The following ARMH3 variants were observed in gnomAD, a reference collection of about 807,000 sequenced individuals.
ARMH3 encodes armadillo like helical domain containing 3.
ARMH3 carries 60 observed loss-of-function variants against 99.1 expected under a neutral mutation model. The ratio of observed to expected loss-of-function variants is 0.61; its 90% CI spans 0.49 to 0.75. The LOEUF (loss-of-function observed/expected upper bound fraction) is 0.75, where lower values mean the gene tolerates loss of function less well. Among genes scored for constraint, ARMH3 ranks in the 30% least tolerant of loss-of-function variants. The probability of loss-of-function intolerance (pLI) is 0.00; values close to 1 mark genes in which losing one functional copy is unlikely to be tolerated. For synonymous variants in ARMH3, 285 were observed against 292.8 expected, an observed-to-expected ratio of 0.97 and a Z score of 0.27; for missense variants, 679 against 843.1, an observed-to-expected ratio of 0.81 and a Z score of 2.41.
At chr10:102,031,067 A>C (rs1299966711) in intron 4 of ARMH3, among the ~76,000 whole-genome samples, 7 of 151,890 alleles carry the variant, frequency 4.6e-5, no homozygotes, top group African/African-American at 1.7e-4. Flanking sequence ...TACAGGCGTG[A>C]GCCACCACGC....
At chr10:101,849,699 A>T in intron 25 of ARMH3, 77 bp downstream of exon 25, 1 of 1,208,316 alleles carries the variant, frequency 8.3e-7, no homozygotes, top group Non-Finnish European at 1.2e-6. Flanking sequence ...ATCTGCAGAT[A>T]AACTGCAGAT....
At chr10:102,025,285 G>C (rs1188641642) in intron 5 of ARMH3, 37 bp from the exon 6 acceptor site, 1 of 1,536,238 alleles carries the variant, frequency 6.5e-7, no homozygotes, top group African/African-American at 1.4e-5. Flanking sequence ...AACCATACCA[G>C]ATAACACCCC....
At chr10:101,970,850 A>C (rs1373479056) in intron 20 of ARMH3, among the ~76,000 whole-genome samples, 3 of 151,996 alleles carry the variant, frequency 2.0e-5, no homozygotes, top group Non-Finnish European at 4.4e-5. Flanking sequence ...AGTCTGCTGG[A>C]GATGTAACAA....
chr10:102,029,407 T>G, intron 5 of ARMH3: 1 of 1,493,680 alleles, frequency 6.7e-7, no homozygotes, highest in African/African-American at 1.4e-5. Context: ...AAATAAACTA[T>G]TCTGTCTTTA....
At chr10:101,992,552 G>C (rs1846850912) in intron 17 of ARMH3, among the ~76,000 whole-genome samples, 1 of 150,402 alleles carries the variant, frequency 6.6e-6, no homozygotes, top group Non-Finnish European at 1.5e-5. Context: ...CTGGAGTGAA[G>C]TGGCACGATC....
chr10:102,000,431 T>C (rs777308859), intron 15 of ARMH3, among the ~76,000 whole-genome samples: 3 of 152,036 alleles, frequency 2.0e-5, no homozygotes, highest in Middle Eastern at 3.4e-3. Flanking sequence ...GGTATTAGTG[T>C]TTAATGGGTA....
intron 24 of ARMH3, among the ~76,000 whole-genome samples, chr10:101,872,715 T>C (rs1234088678): frequency 6.6e-6 from 1 of 152,102 alleles, no homozygotes; most frequent in East Asian, 1.9e-4. Context: ...CCCAGCATTT[T>C]GGGTAGCCAA....
intron 23 of ARMH3, among the ~76,000 whole-genome samples, chr10:101,890,942 A>G (rs1417507248): frequency 2.0e-5 from 3 of 147,806 alleles, no homozygotes; most frequent in African/African-American, 7.5e-5. Context: ...TGGCACAAAC[A>G]TGGCTCACTA....
At chr10:101,964,379 A>G (rs1236793297) in intron 20 of ARMH3, among the ~76,000 whole-genome samples, 2 of 152,168 alleles carry the variant, frequency 1.3e-5, no homozygotes, top group African/African-American at 4.8e-5. Context: ...AAACGCACAC[A>G]ATCTCAAAAA....
chr10:101,924,364 C>CTTT (rs1256731819), intron 23 of ARMH3, among the ~76,000 whole-genome samples: 1 of 138,972 alleles, frequency 7.2e-6, no homozygotes, highest in Non-Finnish European at 1.6e-5. Context: ...TTCTGCATTG[C>CTTT]TTTTTTTTTT....
Position 101,956,609 on chromosome 10 carries a change from G to T in ARMH3, c.1693C>A (p.Leu565Ile). The T allele has an allele frequency of 6.2e-7, 1 of 1,613,200 alleles. No individual in the cohort carries two copies. The highest frequency in any genetic ancestry group is 8.5e-7 in the Non-Finnish European group (1 of 1,179,248). The change falls in exon 22 of 26, where the codon CTC (leucine) becomes ATC (isoleucine). Residue 565 changes from leucine to isoleucine, a missense_variant. This residue lies in a region of ARMH3 where 389 missense variants were observed against 456.5 expected (regional missense o/e 0.85). Coordinates refer to ENST00000370033, the MANE Select transcript of ARMH3 (RefSeq NM_024541.3). ...IIRMHQSFDN[L>I]YSMVLRLSTN... ...AAAGGCAGCTTACCCATGGAGTAGA[G>T]GTTGTCAAAGCTCTGGTGCATGCGG...
chr10:102,044,329 C>A (rs2067494325), intron 1 of ARMH3, among the ~76,000 whole-genome samples: 1 of 151,620 alleles, frequency 6.6e-6, no homozygotes, highest in South Asian at 2.1e-4. Context: ...CCCGCCTTGG[C>A]CTCCCAAAGT....
intron 24 of ARMH3, among the ~76,000 whole-genome samples, chr10:101,887,555 C>G (rs2067578139): frequency 6.6e-6 from 1 of 151,392 alleles, no homozygotes; most frequent in African/African-American, 2.4e-5. Flanking sequence ...AGGTGCACAC[C>G]ACCACGTCTG....
At chr10:101,895,951 C>T (rs1324429930) in intron 23 of ARMH3, among the ~76,000 whole-genome samples, 6 of 152,178 alleles carry the variant, frequency 3.9e-5, no homozygotes, top group Admixed American at 3.9e-4. Flanking sequence ...CCACTTCACA[C>T]CCATTAGGAT....
At chr10:101,873,769 CATA>C (rs1254154459) in intron 24 of ARMH3, among the ~76,000 whole-genome samples, 1 of 152,150 alleles carries the variant, frequency 6.6e-6, no homozygotes, top group Non-Finnish European at 1.5e-5. Flanking sequence ...TTTCACTTAT[CATA>C]ATGTTTTTGA....
intron 8 of ARMH3, among the ~76,000 whole-genome samples, chr10:102,016,263 A>G (rs2066749379): frequency 6.6e-6 from 1 of 152,234 alleles, no homozygotes; most frequent in Admixed American, 6.5e-5. Flanking sequence ...AAATACTCCA[A>G]TGAGCACTTC....
intron 15 of ARMH3, among the ~76,000 whole-genome samples, chr10:101,999,297 T>C (rs1811689214): frequency 6.6e-6 from 1 of 152,016 alleles, no homozygotes; most frequent in South Asian, 2.1e-4. Flanking sequence ...ATTCAAGCGA[T>C]TCTTATGCCT....
At chr10:101,988,057 T>C (rs1846594165) in intron 19 of ARMH3, among the ~76,000 whole-genome samples, 1 of 152,226 alleles carries the variant, frequency 6.6e-6, no homozygotes, top group Non-Finnish European at 1.5e-5. Context: ...GTTAAGTTTC[T>C]CCTGGATTCC....
At chr10:101,879,919 T>A (rs1274137151) in intron 24 of ARMH3, among the ~76,000 whole-genome samples, 1 of 152,176 alleles carries the variant, frequency 6.6e-6, no homozygotes, top group Non-Finnish European at 1.5e-5. Flanking sequence ...ATAAGCAGCT[T>A]GTAAAACCCC....
Sources: allele counts gnomAD v4.1 joint callset (sites outside exome capture counted in the v4.1 genomes callset), GRCh38; gene constraint gnomAD v4.1.1; regional missense constraint gnomAD v4.1.1; transcripts MANE v1.5; gene names NCBI Gene and HGNC (gene_info 2026-07-23, HGNC 2026-07-21).